SLC12A8: variants seen among roughly 807,000 people sequenced by gnomAD.
SLC12A8 encodes the protein cation-chloride cotransporter 9.
SLC12A8 carries 69 observed loss-of-function variants against 75.6 expected under a neutral mutation model. That is an observed-to-expected ratio of 0.91 (90% CI 0.75 to 1.11). The LOEUF is 1.11. Among genes scored for constraint, SLC12A8 ranks in the 50% most tolerant of loss-of-function variants. The pLI, the probability that SLC12A8 is intolerant of heterozygous loss-of-function variation, is 0.00. For missense variants in SLC12A8, 877 were observed against 896.7 expected, an observed-to-expected ratio of 0.98 and a Z score of 0.28; for synonymous variants, 365 against 372.8, an observed-to-expected ratio of 0.98 and a Z score of 0.24.
chr3:125,122,158 A>C (rs1257334703), intron 6 of SLC12A8, among the ~76,000 whole-genome samples: 1 of 152,224 alleles, frequency 6.6e-6, no homozygotes, highest in African/African-American at 2.4e-5. Context: ...GCATATTAGA[A>C]AACAGAACAC....
At chr3:125,187,512 T>C in intron 3 of SLC12A8, 84 bp from the exon 4 acceptor site, 1 of 1,272,502 alleles carries the variant, frequency 7.9e-7, no homozygotes, top group South Asian at 1.3e-5. Flanking sequence ...CCACCTCCCC[T>C]CCTCCCACAG....
chr3:125,107,355 C>T (rs1362916040), intron 10 of SLC12A8, 126 bp downstream of exon 10: 1 of 859,218 alleles, frequency 1.2e-6, no homozygotes, highest in East Asian at 2.4e-5. Flanking sequence ...TGTTTTAAAA[C>T]AAATATTGCA....
chr3:125,083,721 C>CAAAA lies in SLC12A8; in HGVS notation c.*165_*168dup. 1.8e-6 allele frequency: 1 copy of CAAAA among 562,784 alleles called. No homozygotes were observed. The highest frequency in any genetic ancestry group is 2.8e-6 in the Non-Finnish European group (1 of 352,968). The allele number at this position is 562,784 out of a possible 1,614,324, so 34.9% of individuals were successfully genotyped here. A position where few individuals can be genotyped will look rare whatever the true frequency, so the allele number is the denominator to read the frequency against. On this transcript the variant is annotated 3_prime_UTR_variant, in exon 14 of 14. Coordinates refer to ENST00000469902, the MANE Select transcript of SLC12A8 (RefSeq NM_024628.6). ...TGGGTGACAGGGCGAGACTCTGTCT[C>CAAAA]AAAAAAAAAAAAAAAGGGAAAAGAA...
At chr3:125,187,139 G>A in intron 4 of SLC12A8, 98 bp downstream of exon 4, 1 of 1,253,488 alleles carries the variant, frequency 8.0e-7, no homozygotes, top group East Asian at 2.4e-5. Context: ...TGCGGCAATT[G>A]TCCCCACCCT....
At chr3:125,100,417 A>T (rs925215934) in intron 10 of SLC12A8, among the ~76,000 whole-genome samples, 3 of 151,528 alleles carry the variant, frequency 2.0e-5, no homozygotes, top group Non-Finnish European at 4.4e-5. Context: ...TATTATTATT[A>T]TTTTTTAAAA....
intron 6 of SLC12A8, among the ~76,000 whole-genome samples, chr3:125,135,317 C>T (rs1044629878): frequency 3.3e-5 from 5 of 152,152 alleles, no homozygotes; most frequent in African/African-American, 1.2e-4. Context: ...AGGAATCCGT[C>T]CTGTTCAGCC....
intron 7 of SLC12A8, among the ~76,000 whole-genome samples, chr3:125,120,347 AG>A (rs1933023915): frequency 6.6e-6 from 1 of 152,032 alleles, no homozygotes; most frequent in African/African-American, 2.4e-5. Context: ...AAGGAAAGAA[AG>A]GATTCGATCT....
chr3:125,126,577 T>C (rs972789060), intron 6 of SLC12A8, among the ~76,000 whole-genome samples: 1 of 152,200 alleles, frequency 6.6e-6, no homozygotes, highest in African/African-American at 2.4e-5. Flanking sequence ...ACAAGCCCGT[T>C]TCCCACCCCA....
intron 8 of SLC12A8, among the ~76,000 whole-genome samples, chr3:125,114,561 A>G (rs1939261512): frequency 6.6e-6 from 1 of 152,116 alleles, no homozygotes; most frequent in Admixed American, 6.6e-5. Flanking sequence ...AGTAGCTGGA[A>G]CTACAGGCAT....
intron 13 of SLC12A8, 129 bp downstream of exon 13, chr3:125,088,181 A>T (rs1938507107): frequency 3.7e-6 from 3 of 804,410 alleles, no homozygotes; most frequent in Non-Finnish European, 6.2e-6. Flanking sequence ...AGTCTCCCGG[A>T]GGTGCCCAGT....
intron 8 of SLC12A8, 61 bp downstream of exon 8, chr3:125,118,708 G>C: frequency 7.9e-7 from 1 of 1,264,586 alleles, no homozygotes. Flanking sequence ...CCATTTGTTG[G>C]TGAGAACAAA....
intron 10 of SLC12A8, among the ~76,000 whole-genome samples, chr3:125,105,599 T>C (rs1939002525): frequency 6.6e-6 from 1 of 152,214 alleles, no homozygotes; most frequent in African/African-American, 2.4e-5. Context: ...AATGTAATCA[T>C]AGTGTAACAT....
intron 5 of SLC12A8, among the ~76,000 whole-genome samples, chr3:125,159,346 T>G (rs1354703834): frequency 6.6e-6 from 1 of 152,118 alleles, no homozygotes; most frequent in African/African-American, 2.4e-5. Flanking sequence ...TCCTCCCCCC[T>G]TGGTCTCCCA....
intron 4 of SLC12A8, among the ~76,000 whole-genome samples, chr3:125,185,990 G>C (rs1934773041): frequency 6.6e-6 from 1 of 152,166 alleles, no homozygotes; most frequent in Admixed American, 6.5e-5. Flanking sequence ...ATGTAAGTGG[G>C]ACTCTCAGCA....
intron 4 of SLC12A8, among the ~76,000 whole-genome samples, chr3:125,181,591 G>A (rs1434571032): frequency 8.7e-6 from 1 of 115,100 alleles, no homozygotes; most frequent in East Asian, 2.6e-4. Context: ...CTGGGCGACA[G>A]AGCGAGACTC....
intron 2 of SLC12A8, among the ~76,000 whole-genome samples, chr3:125,197,266 G>A (rs1010035057): frequency 4.7e-5 from 7 of 149,088 alleles, no homozygotes; most frequent in Non-Finnish European, 8.9e-5. Flanking sequence ...AAGAATCTGA[G>A]TCCATACAGA....
intron 5 of SLC12A8, among the ~76,000 whole-genome samples, chr3:125,138,845 AACACACACACACACACACACAC>A (rs3061221): frequency 1.5e-4 from 21 of 137,838 alleles, no homozygotes; most frequent in East Asian, 8.6e-4. Flanking sequence ...CCTTCTACAA[AACACACACACACACACACACAC>A]ACACACACAC....
rs973109931 is a variant in SLC12A8, at chr3:125,185,921, G to A, written c.390+1316C>T. Reference sequence around the variant, plus strand: ...TGCTGGTGCAGTGGCGTCTCAGGCCGTGGCTGCCAGCACTTAGAAAACATC... The same window carrying A: ...TGCTGGTGCAGTGGCGTCTCAGGCCATGGCTGCCAGCACTTAGAAAACATC... On this transcript the variant is annotated intron_variant, in intron 4 of 13. Transcript: ENST00000469902. Among the ~76,000 whole-genome samples, 4 of 152,188 alleles carry A rather than the reference G, an allele frequency of 2.6e-5. No homozygotes were observed. The South Asian group carries it at 6.2e-4, about 24-fold the overall frequency.
intron 13 of SLC12A8, among the ~76,000 whole-genome samples, chr3:125,085,602 G>A (rs1043146746): frequency 6.6e-6 from 1 of 152,180 alleles, no homozygotes. Flanking sequence ...ATTTGAGACA[G>A]AGTCTCATTC....
Sources: allele counts gnomAD v4.1 joint callset (sites outside exome capture counted in the v4.1 genomes callset), GRCh38; gene constraint gnomAD v4.1.1; transcripts MANE v1.5; gene names NCBI Gene and HGNC (gene_info 2026-07-23, HGNC 2026-07-21).